Variants in KCNMA1 observed in about 807,000 individuals in gnomAD.
KCNMA1 encodes potassium calcium-activated channel subfamily M alpha 1.
Under a neutral mutation model 140.0 loss-of-function variants are expected in KCNMA1, and 29 were observed. The ratio of observed to expected loss-of-function variants is 0.21; its 90% CI spans 0.15 to 0.28. KCNMA1 has a LOEUF of 0.28. Among genes scored for constraint, KCNMA1 ranks in the 10% least tolerant of loss-of-function variants. The pLI is 1.00. For missense variants in KCNMA1, 880 were observed against 1,602.2 expected (o/e 0.55, Z 7.70); for synonymous variants, 612 against 611.9 (o/e 1.00, Z 0.00).
chr10:76,932,079 G>C (rs1371250664), intron 23 of KCNMA1, among the ~76,000 whole-genome samples: 1 of 152,162 alleles, frequency 6.6e-6, no homozygotes, highest in African/African-American at 2.4e-5. Context: ...ATTCATTCAG[G>C]GTTGCCATGT....
rs2097584270 is a variant in KCNMA1, at chr10:77,449,371, T to C, written c.379-45348A>G. On this transcript the variant is annotated intron_variant, in intron 1 of 27. Transcript: ENST00000286628. ...CAGCAACCACAAGGGGAAATGCTCA[T>C]TACATGTTTCTAGGTTTAAGAATCA... Among the ~76,000 whole-genome samples the C allele has an allele frequency of 2.0e-5, 3 of 152,204 alleles. No individual in the cohort carries two copies. The South Asian group carries it at 6.2e-4, about 32-fold the overall frequency.
At chr10:77,425,367 T>C (rs1005358027) in intron 1 of KCNMA1, among the ~76,000 whole-genome samples, 8 of 152,204 alleles carry the variant, frequency 5.3e-5, no homozygotes, top group Non-Finnish European at 1.0e-4. Flanking sequence ...TTTAGGCTTC[T>C]GAGCACTGGT....
At chr10:77,171,576 A>G (rs1044851705) in intron 5 of KCNMA1, among the ~76,000 whole-genome samples, 14 of 152,206 alleles carry the variant, frequency 9.2e-5, no homozygotes, top group South Asian at 2.1e-4. Flanking sequence ...TTCATCCCCA[A>G]TTCTCATATG....
At chr10:77,393,428 T>C (rs2095911584) in intron 2 of KCNMA1, among the ~76,000 whole-genome samples, 1 of 152,194 alleles carries the variant, frequency 6.6e-6, no homozygotes, top group Non-Finnish European at 1.5e-5. Flanking sequence ...GCACTAACCA[T>C]GTCAGAGGCA....
At chr10:76,871,535 G>T (rs1381186217) in exon 28 of KCNMA1, 2 of 152,162 alleles carry the variant, frequency 1.3e-5, no homozygotes, top group African/African-American at 2.4e-5. Context: ...CACCTGTTTT[G>T]TGCAACATGA....
At chr10:77,232,526 T>C (rs1462052888) in intron 3 of KCNMA1, among the ~76,000 whole-genome samples, 1 of 152,248 alleles carries the variant, frequency 6.6e-6, no homozygotes, top group African/African-American at 2.4e-5. Flanking sequence ...TTGAACATCT[T>C]TTCATGTGCT....
intron 25 of KCNMA1, among the ~76,000 whole-genome samples, chr10:76,893,056 T>G (rs1897592): frequency 0.54 from 82,030 of 152,016 alleles, 23,354 homozygotes; most frequent in Non-Finnish European, 0.64. Flanking sequence ...TAGGATATGT[T>G]TCTGGAGAGG....
At chr10:77,038,683 G>A (rs939943602) in intron 15 of KCNMA1, among the ~76,000 whole-genome samples, 6 of 152,090 alleles carry the variant, frequency 3.9e-5, no homozygotes, top group East Asian at 1.9e-4. Context: ...AGGACCATAC[G>A]TGTGTGCCAC....
chr10:76,953,681 T>C, intron 21 of KCNMA1, 120 bp downstream of exon 21: 1 of 1,215,512 alleles, frequency 8.2e-7, no homozygotes, highest in South Asian at 1.2e-5. Context: ...ATTTCACTCA[T>C]CAAAAATAAT....
intron 3 of KCNMA1, among the ~76,000 whole-genome samples, chr10:77,199,751 G>A (rs964587405): frequency 6.6e-5 from 10 of 152,056 alleles, no homozygotes; most frequent in African/African-American, 2.2e-4. Flanking sequence ...GCTAAGCTTG[G>A]GCAGAGAGAC....
intron 2 of KCNMA1, among the ~76,000 whole-genome samples, chr10:77,368,308 T>C (rs2094487481): frequency 2.0e-5 from 3 of 152,222 alleles, no homozygotes; most frequent in Admixed American, 2.0e-4. Context: ...TGATGTTCTT[T>C]TTCTGAGCTT....
chr10:76,960,613 GTTTTGTTTTTTT>G (rs2070850862), intron 20 of KCNMA1, among the ~76,000 whole-genome samples: 1 of 94,992 alleles, frequency 1.1e-5, no homozygotes. Flanking sequence ...AGATATTATG[GTTTTGTTTTTTT>G]TTTTTTTTTT....
intron 1 of KCNMA1, among the ~76,000 whole-genome samples, chr10:77,591,236 A>C (rs1452715836): frequency 2.6e-5 from 4 of 152,070 alleles, no homozygotes; most frequent in Non-Finnish European, 1.5e-5. Flanking sequence ...CAAGGCCACG[A>C]GTGAGGCCAG....
At chr10:77,455,728 G>A (rs1531224) in intron 1 of KCNMA1, among the ~76,000 whole-genome samples, 7,473 of 152,192 alleles carry the variant, frequency 0.049, 440 homozygotes, top group African/African-American at 0.14. Flanking sequence ...AGAAGGCCCA[G>A]ACCTGAGAAA....
chr10:77,286,800 G>A (rs535818788), intron 2 of KCNMA1, among the ~76,000 whole-genome samples: 1 of 146,488 alleles, frequency 6.8e-6, no homozygotes, highest in Admixed American at 7.1e-5. Flanking sequence ...CTTACTTTAT[G>A]CATCCTCATT....
intron 1 of KCNMA1, among the ~76,000 whole-genome samples, chr10:77,581,369 C>T (rs1195121948): frequency 4.6e-5 from 7 of 151,574 alleles, no homozygotes; most frequent in Non-Finnish European, 7.4e-5. Flanking sequence ...AGTGCAGTGG[C>T]GTGATCTCGG....
chr10:77,637,063 G>A lies in KCNMA1; in HGVS notation c.378+202C>T, dbSNP rs756729664. The A allele has an allele frequency of 1.3e-3, 1,764 of 1,374,916 alleles. 2 individuals carry two copies. The highest frequency in any genetic ancestry group is 1.8e-3 in the South Asian group (116 of 65,170). The allele number at this position is 1,374,916 out of a possible 1,614,324, so 85.2% of individuals were successfully genotyped here. ...CCGCGTCCCGGAGCGCACTGGCTGG[G>A]GGCAACTCCTCACCCCCGGCGCGCC... On this transcript the variant is annotated intron_variant, in intron 1 of 27. Transcript: ENST00000286628.
chr10:77,550,641 G>A (rs2062587829), intron 1 of KCNMA1, among the ~76,000 whole-genome samples: 1 of 152,162 alleles, frequency 6.6e-6, no homozygotes, highest in Admixed American at 6.5e-5. Context: ...CAGGGAACCA[G>A]GCCGCGTCTG....
downstream of KCNMA1, chr10:76,874,933 A>G (rs1458550477): frequency 6.6e-6 from 1 of 152,220 alleles, no homozygotes; most frequent in Non-Finnish European, 1.5e-5. Flanking sequence ...GTTTGGGAGA[A>G]TGGCTTTTCT....
Sources: allele counts gnomAD v4.1 joint callset (sites outside exome capture counted in the v4.1 genomes callset), GRCh38; gene constraint gnomAD v4.1.1; transcripts MANE v1.5; gene names NCBI Gene and HGNC (gene_info 2026-07-23, HGNC 2026-07-21).